SMAD7: variants seen among roughly 807,000 people sequenced by gnomAD.
SMAD7 encodes the protein MAD (mothers against decapentaplegic, Drosophila) homolog 7.
In SMAD7, 8 loss-of-function variants were observed where a neutral mutation model predicts 38.7. The ratio of observed to expected loss-of-function variants is 0.21; its 90% CI spans 0.12 to 0.37. The LOEUF (loss-of-function observed/expected upper bound fraction) is 0.37, where lower values mean the gene tolerates loss of function less well. Ranked by LOEUF, SMAD7 falls within the 10% of genes least tolerant of loss-of-function variation. The pLI is 1.00. For synonymous variants in SMAD7, 327 were observed against 265.1 expected, an observed-to-expected ratio of 1.23 and a Z score of -2.27; for missense variants, 477 against 577.9, an observed-to-expected ratio of 0.83 and a Z score of 1.79.
chr18:48,924,230 G>A, intron 3 of SMAD7, among the ~76,000 whole-genome samples: 1 of 146,554 alleles, frequency 6.8e-6, no homozygotes, highest in Non-Finnish European at 1.5e-5. Flanking sequence ...GGGAGGGTGG[G>A]TGGGAGACCC....
rs778642435 is a variant in SMAD7 at position 48,950,056 on chromosome 18, G to C, written c.369C>G (p.Thr123=). ...QAVESRGGTR[T]ACLLLPGRLD... ...GGCGGCCGGGCAGCAGGAGGCACGC[G>C]GTGCGCGTCCCGCCGCGGGACTCCA... The change falls in exon 1 of 4, where the codon ACC becomes ACG. Residue 123 remains threonine (T), a synonymous_variant. Transcript: ENST00000262158. The C allele has an allele frequency of 2.8e-6, 4 of 1,433,446 alleles. No homozygotes were observed. Among genetic ancestry groups the C allele is most frequent in the East Asian group, 6.1e-5 (2 of 32,968 alleles). 88.8% of individuals were successfully genotyped at this position (1,433,446 alleles called of 1,614,324 possible). A position where few individuals can be genotyped will look rare whatever the true frequency, so the allele number is the denominator to read the frequency against.
chr18:48,948,438 CTG>C lies in SMAD7; in HGVS notation c.614-3_614-2del. 1.3e-6 allele frequency: 2 copies of C among 1,589,438 alleles called. No individual in the cohort carries two copies. The highest frequency in any genetic ancestry group is 1.7e-6 in the Non-Finnish European group (2 of 1,169,986). On this transcript the variant is annotated splice_acceptor_variant and splice_polypyrimidine_tract_variant and intron_variant, in intron 1 of 3. Coordinates refer to ENST00000262158, the MANE Select transcript of SMAD7 (RefSeq NM_005904.4). LOFTEE classifies it high-confidence loss of function. ...CTGGAGTAAGGAGGGGGGGGAGACT[CTG>C]AAATTAAAAAAGCAAGAGAAAATAA...
chr18:48,945,279 G>A (rs959937214), intron 2 of SMAD7, among the ~76,000 whole-genome samples: 15 of 152,230 alleles, frequency 9.9e-5, no homozygotes, highest in Admixed American at 2.6e-4. Context: ...TGGCTAACTC[G>A]GTGAAACCCC....
rs532202446 is a variant in SMAD7 at position 48,935,113 on chromosome 18, T to C, written c.742+7368A>G. 5.9e-5 allele frequency among the ~76,000 whole-genome samples: 9 copies of C among 152,230 alleles called. No homozygotes were observed. The East Asian group carries it at 1.5e-3, about 26-fold the overall frequency. On this transcript the variant is annotated intron_variant, in intron 3 of 3. Transcript: ENST00000262158. ...CAGATACTGAATCCACGGGGCACCTTCCACGGGAGTGGAAGCCCACATCTC... is the reference window on the plus strand; with the variant it reads ...CAGATACTGAATCCACGGGGCACCTCCCACGGGAGTGGAAGCCCACATCTC...
chr18:48,921,056 T>C lies in SMAD7; in HGVS notation c.*316A>G, dbSNP rs1370483183. The stretch of plus-strand genomic sequence containing the variant: ...CACACACTCCTGACAAGTGAAATGA[T>C]GACCGCCCCCCTTCATACACTGTGT... On this transcript the variant is annotated 3_prime_UTR_variant, in exon 4 of 4. Coordinates refer to ENST00000262158, the MANE Select transcript of SMAD7 (RefSeq NM_005904.4). This position sits in a 1 kb window ranked among gnomAD's most constrained non-coding sequence, Gnocchi z 6.4. 5.4e-6 allele frequency: 2 copies of C among 367,128 alleles called. No homozygotes were observed. Among genetic ancestry groups the C allele is most frequent in the Non-Finnish European group, 1.0e-5 (2 of 199,310 alleles). 22.7% of individuals were successfully genotyped at this position (367,128 alleles called of 1,614,324 possible). A position where few individuals can be genotyped will look rare whatever the true frequency, so the allele number is the denominator to read the frequency against.
At position 48,941,846 on chromosome 18, in the gene SMAD7, T is replaced by C. The variant is rs148662123; in HGVS notation, c.742+635A>G. Among the ~76,000 whole-genome samples, 24 of 152,306 alleles carry C rather than the reference T, an allele frequency of 1.6e-4. No homozygotes were observed. The East Asian group carries it at 4.6e-3, about 29-fold the overall frequency. On this transcript the variant is annotated intron_variant, in intron 3 of 3. Transcript: ENST00000262158. ...AGCCAGCCCCGTGACCCCCCAGCAC[T>C]GGCATTCCAGGCCTTCACGCATACC...
At chr18:48,925,838 C>T (rs573942354) in intron 3 of SMAD7, among the ~76,000 whole-genome samples, 1 of 152,276 alleles carries the variant, frequency 6.6e-6, no homozygotes, top group East Asian at 1.9e-4. Context: ...GCTCCGCCTC[C>T]CGGGTTCACG....
intron 1 of SMAD7, among the ~76,000 whole-genome samples, chr18:48,948,919 T>C (rs2070229076): frequency 6.6e-6 from 1 of 152,170 alleles, no homozygotes; most frequent in African/African-American, 2.4e-5. Context: ...ATCCCAAGCG[T>C]GCTGGGGAAC....
At chr18:48,930,571 GTGACTGC>G (rs1485092839) in intron 3 of SMAD7, among the ~76,000 whole-genome samples, 1 of 152,058 alleles carries the variant, frequency 6.6e-6, no homozygotes, top group African/African-American at 2.4e-5. Flanking sequence ...AATCTGGCTG[GTGACTGC>G]AGCAGCCCAG....
At position 48,921,280 on chromosome 18, in the gene SMAD7, A is replaced by T; in HGVS notation, c.*92T>A. The T allele has an allele frequency of 8.6e-7, 1 of 1,157,450 alleles. No homozygotes were observed. Among genetic ancestry groups the T allele is most frequent in the Non-Finnish European group, 1.2e-6 (1 of 825,844 alleles). 71.7% of individuals were successfully genotyped at this position (1,157,450 alleles called of 1,614,324 possible). A position where few individuals can be genotyped will look rare whatever the true frequency, so the allele number is the denominator to read the frequency against. The stretch of plus-strand genomic sequence containing the variant: ...AAAAAAAAACGACCAAAGAGTTTGC[A>T]TGAAAAGCAAGCACTCAGGAGGAAA... On this transcript the variant is annotated 3_prime_UTR_variant, in exon 4 of 4. Transcript: ENST00000262158. This position sits in a 1 kb window ranked among gnomAD's most constrained non-coding sequence, Gnocchi z 6.4.
chr18:48,948,242 C>T, intron 2 of SMAD7, 142 bp downstream of exon 2: 1 of 534,772 alleles, frequency 1.9e-6, no homozygotes, highest in Non-Finnish European at 3.3e-6. Flanking sequence ...GAAAAATTCA[C>T]CAAACTTCCA....
At chr18:48,923,704 C>T (rs1054507046) in intron 3 of SMAD7, among the ~76,000 whole-genome samples, 2 of 152,082 alleles carry the variant, frequency 1.3e-5, no homozygotes, top group African/African-American at 4.8e-5. Flanking sequence ...CCAACCCCCA[C>T]TAAAAATCAA....
intron 3 of SMAD7, among the ~76,000 whole-genome samples, chr18:48,934,559 C>T (rs1310218786): frequency 6.6e-6 from 1 of 152,104 alleles, no homozygotes; most frequent in African/African-American, 2.4e-5. Context: ...TAGCTTCCAG[C>T]CAAGAGCTGC....
rs2069854361 is a variant in SMAD7 at position 48,921,225 on chromosome 18, G to A, written c.*147C>T. 13 of 669,240 alleles carry A rather than the reference G, an allele frequency of 1.9e-5. No homozygotes were observed. Among genetic ancestry groups the A allele is most frequent in the Non-Finnish European group, 3.0e-5 (12 of 400,764 alleles). The allele number at this position is 669,240 out of a possible 1,614,324, so 41.5% of individuals were successfully genotyped here. ...CGAAACAAAACAGAACACAAACGAG[G>A]ACGAGAAGAAGAAAACCAACCAACA... is the stretch of plus-strand genomic sequence containing the variant. On this transcript the variant is annotated 3_prime_UTR_variant, in exon 4 of 4. Coordinates refer to ENST00000262158, the MANE Select transcript of SMAD7 (RefSeq NM_005904.4). The surrounding 1 kb of genome is among the most constrained non-coding windows in gnomAD (Gnocchi z 6.4).
chr18:48,931,609 T>C (rs991989365), intron 3 of SMAD7, among the ~76,000 whole-genome samples: 1 of 152,244 alleles, frequency 6.6e-6, no homozygotes, highest in African/African-American at 2.4e-5. Context: ...TTGGCTTCCA[T>C]AGGGATATCT....
chr18:48,936,056 C>G (rs1307525766), intron 3 of SMAD7, among the ~76,000 whole-genome samples: 1 of 149,006 alleles, frequency 6.7e-6, no homozygotes, highest in African/African-American at 2.5e-5. Context: ...GCCAGGGTGA[C>G]AGAGTGAGAC....
At chr18:48,922,017 G>A (rs573780283) in intron 3 of SMAD7, 107 bp from the exon 4 acceptor site, 218 of 867,366 alleles carry the variant, frequency 2.5e-4, no homozygotes, top group Non-Finnish European at 3.2e-4. Context: ...CATCTCTCAG[G>A]ACGAGACAGA....
At chr18:48,939,156 A>AC (rs2070106315) in intron 3 of SMAD7, among the ~76,000 whole-genome samples, 1 of 94,148 alleles carries the variant, frequency 1.1e-5, no homozygotes, top group African/African-American at 4.1e-5. Context: ...CCACCCACCC[A>AC]CACACCCACC....
intron 2 of SMAD7, among the ~76,000 whole-genome samples, chr18:48,944,922 C>A (rs1239028753): frequency 6.6e-6 from 1 of 152,174 alleles, no homozygotes. Context: ...TCATTCCTTT[C>A]TCCGAGCAGC....
Sources: gnomAD v4.1 joint callset for allele counts (sites outside exome capture counted in the v4.1 genomes callset) on GRCh38, gnomAD v4.1.1 for gene constraint, Gnocchi (gnomAD v3.1) non-coding constraint, MANE v1.5 for transcripts, NCBI Gene and HGNC (gene_info 2026-07-23, HGNC 2026-07-21) for gene names.